Variants in XKR4 observed in about 807,000 individuals in gnomAD.
XKR4 encodes XK related 4.
A neutral mutation model predicts 53.9 loss-of-function variants in XKR4; 12 were observed. That is an observed-to-expected ratio of 0.22 (90% CI 0.14 to 0.36). XKR4 has a LOEUF of 0.36. XKR4 is among the 10% of genes least tolerant of loss of function. XKR4 has a pLI of 1.00. For missense variants in XKR4, 799 were observed against 859.5 expected, an observed-to-expected ratio of 0.93 and a Z score of 0.88; for synonymous variants, 354 against 362.4, an observed-to-expected ratio of 0.98 and a Z score of 0.26.
At chr8:55,191,604 C>T (rs972474605) in intron 1 of XKR4, among the ~76,000 whole-genome samples, 3 of 151,926 alleles carry the variant, frequency 2.0e-5, no homozygotes, top group Non-Finnish European at 4.4e-5. Context: ...TATGTAAAGA[C>T]ACACTGTGAC....
chr8:55,279,280 C>T (rs1008209565), intron 1 of XKR4, among the ~76,000 whole-genome samples: 1 of 152,152 alleles, frequency 6.6e-6, no homozygotes. Context: ...TGGGGCTCAG[C>T]TCCAGCTTCT....
intron 2 of XKR4, among the ~76,000 whole-genome samples, chr8:55,478,202 T>A (rs1806032355): frequency 6.6e-6 from 1 of 152,138 alleles, no homozygotes. Context: ...AGCGGATCTC[T>A]TGGCAGAAAC....
At chr8:55,205,968 G>A (rs1817642627) in intron 1 of XKR4, among the ~76,000 whole-genome samples, 1 of 152,158 alleles carries the variant, frequency 6.6e-6, no homozygotes, top group South Asian at 2.1e-4. Flanking sequence ...CTGACTTCAG[G>A]AGTCAAGCCA....
chr8:55,177,505 C>A (rs1025521853), intron 1 of XKR4, among the ~76,000 whole-genome samples: 5 of 152,202 alleles, frequency 3.3e-5, no homozygotes, highest in Admixed American at 1.3e-4. Context: ...CTTTTAATCT[C>A]TTCATAGGGC....
chr8:55,297,451 G>C (rs971531380), intron 1 of XKR4, among the ~76,000 whole-genome samples: 1 of 152,136 alleles, frequency 6.6e-6, no homozygotes, highest in Non-Finnish European at 1.5e-5. Flanking sequence ...AAACAGGCAA[G>C]ATTCCTGCCT....
intron 1 of XKR4, among the ~76,000 whole-genome samples, chr8:55,147,354 A>G (rs1365968137): frequency 6.6e-6 from 1 of 152,258 alleles, no homozygotes. Context: ...ACTTAGGTGG[A>G]CCAGCCTCAA....
intron 1 of XKR4, among the ~76,000 whole-genome samples, chr8:55,181,389 C>T (rs1261167372): frequency 6.6e-6 from 1 of 152,150 alleles, no homozygotes; most frequent in Admixed American, 6.5e-5. Context: ...CATATCTCTA[C>T]ATTTTACACT....
chr8:55,454,313 A>G, intron 2 of XKR4: 1 of 1,480,184 alleles, frequency 6.8e-7, no homozygotes, highest in Admixed American at 1.7e-5. Context: ...GACCCCGATT[A>G]TGAAGGGCGT....
At chr8:55,296,560 A>G (rs541792659) in intron 1 of XKR4, among the ~76,000 whole-genome samples, 1 of 152,334 alleles carries the variant, frequency 6.6e-6, no homozygotes, top group East Asian at 1.9e-4. Context: ...AAACAAATAC[A>G]GATACCACAC....
chr8:55,264,078 T>C (rs1818567042), intron 1 of XKR4, among the ~76,000 whole-genome samples: 1 of 152,200 alleles, frequency 6.6e-6, no homozygotes, highest in South Asian at 2.1e-4. Flanking sequence ...CTCATCTTAC[T>C]GCTGCTATGC....
chr8:55,533,578 T>C lies in XKR4; in HGVS notation c.*9351T>C, dbSNP rs2129406913. 6.6e-6 allele frequency: 1 copy of C among 152,326 alleles called. No homozygotes were observed. Among genetic ancestry groups the C allele is most frequent in the Non-Finnish European group, 1.5e-5 (1 of 68,036 alleles). The allele number at this position is 152,326 out of a possible 1,614,324, so 9.4% of individuals were successfully genotyped here. A position where few individuals can be genotyped will look rare whatever the true frequency, so the allele number is the denominator to read the frequency against. On this transcript the variant is annotated 3_prime_UTR_variant, in exon 3 of 3. Coordinates refer to ENST00000327381, the MANE Select transcript of XKR4 (RefSeq NM_052898.2). ...GAGGAGGGAAGGCAGCAGTGAGCTG[T>C]CACTCAGAAATACAGTCACCACTGT...
chr8:55,347,148 A>G (rs993552469), intron 1 of XKR4, among the ~76,000 whole-genome samples: 1 of 152,206 alleles, frequency 6.6e-6, no homozygotes, highest in Non-Finnish European at 1.5e-5. Context: ...GATCTTTGAC[A>G]TACCAGATGT....
At chr8:55,289,515 A>T (rs1187502704) in intron 1 of XKR4, among the ~76,000 whole-genome samples, 2 of 128,338 alleles carry the variant, frequency 1.6e-5, no homozygotes, top group South Asian at 2.5e-4. Context: ...ATTCTGTCTC[A>T]AAAAAAAAAA....
chr8:55,451,156 C>T, intron 2 of XKR4: 1 of 528,178 alleles, frequency 1.9e-6, no homozygotes, highest in South Asian at 2.1e-5. Flanking sequence ...AAGCCCGGGT[C>T]GGGGGCCGGG....
rs1466564455 is a variant in XKR4 at position 55,103,036 on chromosome 8, C to G, written c.548C>G (p.Ser183Cys). Residue 183 changes from serine to cysteine, a missense_variant, in exon 1 of 3, where the codon TCC becomes TGC. Coordinates refer to ENST00000327381, the MANE Select transcript of XKR4 (RefSeq NM_052898.2). ...TEDSATAAAA[S>C]SCPQPGADCK... Reference sequence around the variant, plus strand: ...GACAGCGCCACGGCCGCTGCTGCCTCCAGCTGCCCGCAGCCTGGAGCCGAT... The same window carrying G: ...GACAGCGCCACGGCCGCTGCTGCCTGCAGCTGCCCGCAGCCTGGAGCCGAT... 4 of 1,612,674 alleles carry G rather than the reference C, an allele frequency of 2.5e-6. No homozygotes were observed. The highest frequency in any genetic ancestry group is 1.7e-4 in the Middle Eastern group (1 of 6,056).
intron 2 of XKR4, among the ~76,000 whole-genome samples, chr8:55,434,106 T>C (rs1293614931): frequency 1.3e-5 from 2 of 152,160 alleles, no homozygotes; most frequent in Non-Finnish European, 2.9e-5. Flanking sequence ...ACTCTTTATT[T>C]TTAAAAGTTT....
chr8:55,509,569 G>A (rs1806592431), intron 2 of XKR4, among the ~76,000 whole-genome samples: 1 of 152,212 alleles, frequency 6.6e-6, no homozygotes, highest in Non-Finnish European at 1.5e-5. Flanking sequence ...CTAGGAGTGT[G>A]TATGGGGAAG....
chr8:55,373,358 G>A (rs1271871738), intron 2 of XKR4, among the ~76,000 whole-genome samples: 1 of 152,084 alleles, frequency 6.6e-6, no homozygotes, highest in Non-Finnish European at 1.5e-5. Context: ...GTAGAGATGG[G>A]GTTTCACCAT....
At chr8:55,450,226 G>A (rs933558008) in intron 2 of XKR4, 3 of 638,132 alleles carry the variant, frequency 4.7e-6, no homozygotes, top group Non-Finnish European at 8.4e-6. Context: ...GCTCTGGGGA[G>A]CGCCTCCGTC....
Sources: gnomAD v4.1 joint callset for allele counts (sites outside exome capture counted in the v4.1 genomes callset) on GRCh38, gnomAD v4.1.1 for gene constraint, MANE v1.5 for transcripts, NCBI Gene and HGNC (gene_info 2026-07-23, HGNC 2026-07-21) for gene names.